TAFA1: variants seen among roughly 807,000 people sequenced by gnomAD.
TAFA1 encodes the protein chemokine-like protein TAFA-1.
In TAFA1, 4 loss-of-function variants were observed where a neutral mutation model predicts 18.5. The ratio of observed to expected loss-of-function variants is 0.22; its 90% CI spans 0.11 to 0.49. The LOEUF (loss-of-function observed/expected upper bound fraction) is 0.49, where lower values mean the gene tolerates loss of function less well. Ranked by LOEUF, TAFA1 falls within the 20% of genes least tolerant of loss-of-function variation. The pLI is 0.98. For missense variants in TAFA1, 147 were observed against 169.0 expected, an observed-to-expected ratio of 0.87 and a Z score of 0.72; for synonymous variants, 56 against 55.2, an observed-to-expected ratio of 1.01 and a Z score of -0.06.
chr3:68,188,528 G>T (rs533483748), intron 2 of TAFA1, among the ~76,000 whole-genome samples: 216 of 148,806 alleles, frequency 1.5e-3, no homozygotes, highest in East Asian at 4.3e-3. Flanking sequence ...TATATAGAGA[G>T]AGAGAGAGAG....
chr3:68,028,444 T>C (rs1465137566), intron 2 of TAFA1, among the ~76,000 whole-genome samples: 1 of 152,148 alleles, frequency 6.6e-6, no homozygotes, highest in East Asian at 1.9e-4. Flanking sequence ...CAAAATACTT[T>C]ATTGGTCTTC....
chr3:68,354,917 C>T (rs914914092), intron 2 of TAFA1, among the ~76,000 whole-genome samples: 1 of 151,980 alleles, frequency 6.6e-6, no homozygotes, highest in Non-Finnish European at 1.5e-5. Flanking sequence ...AAAGGCCTCA[C>T]CTCTCAATAC....
At chr3:68,275,446 A>G (rs1270811728) in intron 2 of TAFA1, among the ~76,000 whole-genome samples, 1 of 152,060 alleles carries the variant, frequency 6.6e-6, no homozygotes, top group Non-Finnish European at 1.5e-5. Context: ...GGCTTCAAGC[A>G]AGATCATGTG....
chr3:68,533,035 G>A lies in TAFA1; in HGVS notation c.260-5721G>A, dbSNP rs75328067. ...CTGCACTTTTTCCAAAGAGGGTTTC[G>A]AGGGCTTCAGTATTTAAAGGGGAAA... On this transcript the variant is annotated intron_variant, in intron 3 of 4. Coordinates refer to ENST00000478136, the MANE Select transcript of TAFA1 (RefSeq NM_213609.4). 3.1e-3 allele frequency among the ~76,000 whole-genome samples: 474 copies of A among 150,992 alleles called. 3 individuals are homozygous for A. The highest frequency in any genetic ancestry group is 0.011 in the African/African-American group (453 of 41,068).
intron 3 of TAFA1, among the ~76,000 whole-genome samples, chr3:68,482,240 C>T (rs2072251772): frequency 6.6e-6 from 1 of 152,136 alleles, no homozygotes; most frequent in African/African-American, 2.4e-5. Context: ...TCGATCTGAC[C>T]TCGTGATCCG....
At chr3:68,231,901 G>A (rs2066877085) in intron 2 of TAFA1, among the ~76,000 whole-genome samples, 1 of 152,024 alleles carries the variant, frequency 6.6e-6, no homozygotes, top group African/African-American at 2.4e-5. Context: ...TCTATAGACT[G>A]GAAAAGCCAT....
chr3:68,344,348 T>A (rs2069132379), intron 2 of TAFA1, among the ~76,000 whole-genome samples: 1 of 152,240 alleles, frequency 6.6e-6, no homozygotes, highest in African/African-American at 2.4e-5. Context: ...AGGTACCACA[T>A]GACCTTACTA....
Position 68,259,731 on chromosome 3 carries a change from C to A in TAFA1, c.119-157549C>A, listed in dbSNP as rs566076788. Among the ~76,000 whole-genome samples, 1,453 of 151,714 alleles carry A rather than the reference C, an allele frequency of 9.6e-3. 13 individuals are homozygous for A. The highest frequency in any genetic ancestry group is 0.03 in the African/African-American group (1,231 of 41,392). On this transcript the variant is annotated intron_variant, in intron 2 of 4. Transcript: ENST00000478136. Reference sequence around the variant, plus strand: ...ATGGGAGTTCACTCATGATTTGGCTCTCTGTTTGTCTGTTATTGGTGTATA... The same window carrying A: ...ATGGGAGTTCACTCATGATTTGGCTATCTGTTTGTCTGTTATTGGTGTATA...
rs1486686007 is a variant in TAFA1 at position 68,198,985 on chromosome 3, GGA to G, written c.118+192242_118+192243del. Among the ~76,000 whole-genome samples the G allele has an allele frequency of 4.6e-5, 7 of 151,456 alleles. No homozygotes were observed. The Middle Eastern group carries it at 0.01, about 221-fold the overall frequency. On this transcript the variant is annotated intron_variant, in intron 2 of 4. Transcript: ENST00000478136. The stretch of plus-strand genomic sequence containing the variant: ...AGAATTTCTTTTATGTTATCTTCTA[GGA>G]TTTTTATAGCTTTGCATTTTGCATT...
intron 2 of TAFA1, among the ~76,000 whole-genome samples, chr3:68,155,924 A>G (rs1351056174): frequency 6.6e-6 from 1 of 152,168 alleles, no homozygotes; most frequent in African/African-American, 2.4e-5. Context: ...GCCTGCCAGC[A>G]TAGCACCTGG....
intron 2 of TAFA1, among the ~76,000 whole-genome samples, chr3:68,224,701 C>T (rs1338316899): frequency 6.6e-6 from 1 of 152,012 alleles, no homozygotes; most frequent in Non-Finnish European, 1.5e-5. Context: ...TGCTCTGGGC[C>T]TCAGTTTCCC....
At chr3:68,237,273 G>A (rs951389069) in intron 2 of TAFA1, among the ~76,000 whole-genome samples, 1 of 152,116 alleles carries the variant, frequency 6.6e-6, no homozygotes, top group African/African-American at 2.4e-5. Flanking sequence ...ACTCTCTGGG[G>A]CCTTTTCCGT....
intron 2 of TAFA1, among the ~76,000 whole-genome samples, chr3:68,118,086 G>A (rs185972682): frequency 6.6e-6 from 1 of 152,176 alleles, no homozygotes; most frequent in East Asian, 1.9e-4. Context: ...TACATTTATT[G>A]TGCACTTTAT....
At chr3:68,142,010 T>G (rs2065672607) in intron 2 of TAFA1, among the ~76,000 whole-genome samples, 1 of 152,184 alleles carries the variant, frequency 6.6e-6, no homozygotes, top group Admixed American at 6.5e-5. Flanking sequence ...CCATCAGTAA[T>G]CTCTGAAGAA....
chr3:68,079,792 G>T (rs1319150552), intron 2 of TAFA1, among the ~76,000 whole-genome samples: 1 of 152,160 alleles, frequency 6.6e-6, no homozygotes, highest in Non-Finnish European at 1.5e-5. Context: ...ATATTCTGTT[G>T]ATTTGGGGTG....
At chr3:68,407,442 A>C (rs1348228516) in intron 2 of TAFA1, among the ~76,000 whole-genome samples, 1 of 152,198 alleles carries the variant, frequency 6.6e-6, no homozygotes. Context: ...GTTGTATTCT[A>C]CTGTGATTAG....
chr3:68,324,082 C>T (rs899393855), intron 2 of TAFA1, among the ~76,000 whole-genome samples: 1 of 152,142 alleles, frequency 6.6e-6, no homozygotes, highest in Non-Finnish European at 1.5e-5. Flanking sequence ...TTTTCCAAAG[C>T]CCAGATTTCT....
intron 3 of TAFA1, among the ~76,000 whole-genome samples, chr3:68,529,631 AG>A (rs1176518800): frequency 6.6e-6 from 1 of 152,090 alleles, no homozygotes; most frequent in Non-Finnish European, 1.5e-5. Context: ...ATCTGGTGAA[AG>A]CTTCAGGCTG....
chr3:68,398,612 C>G (rs2070430586), intron 2 of TAFA1, among the ~76,000 whole-genome samples: 1 of 152,136 alleles, frequency 6.6e-6, no homozygotes, highest in Non-Finnish European at 1.5e-5. Context: ...ATCTCATTAA[C>G]CTGAATATAG....
Sources: gnomAD v4.1 joint callset for allele counts (sites outside exome capture counted in the v4.1 genomes callset) on GRCh38, gnomAD v4.1.1 for gene constraint, MANE v1.5 for transcripts, NCBI Gene and HGNC (gene_info 2026-07-23, HGNC 2026-07-21) for gene names.